GRM3: variants seen among roughly 807,000 people sequenced by gnomAD.
The protein encoded by GRM3 is glutamate metabotropic receptor 3.
In GRM3, 26 loss-of-function variants were observed where a neutral mutation model predicts 70.5. The ratio of observed to expected loss-of-function variants is 0.37; its 90% CI spans 0.27 to 0.51. The LOEUF is 0.51. GRM3 is among the 20% of genes least tolerant of loss of function. The pLI, the probability that GRM3 is intolerant of heterozygous loss-of-function variation, is 0.93. For synonymous variants in GRM3, 443 were observed against 434.9 expected, an observed-to-expected ratio of 1.02 and a Z score of -0.23; for missense variants, 859 against 1,123.8, an observed-to-expected ratio of 0.76 and a Z score of 3.37.
chr7:86,716,816 C>T (rs562633814), intron 1 of GRM3, among the ~76,000 whole-genome samples: 1 of 151,900 alleles, frequency 6.6e-6, no homozygotes, highest in South Asian at 2.1e-4. Context: ...CTATCCCAGG[C>T]AGGAAAAGTA....
rs77614782 is a variant in GRM3, at chr7:86,814,958, C to T, written c.1325-23881C>T. ...AGAAGGCAAGAAGTTTCTTTGATGTCAGCTGGGTTTTTCATCATATTATGG... is the reference window on the plus strand; with the variant it reads ...AGAAGGCAAGAAGTTTCTTTGATGTTAGCTGGGTTTTTCATCATATTATGG... On this transcript the variant is annotated intron_variant, in intron 3 of 5. Coordinates refer to ENST00000361669, the MANE Select transcript of GRM3 (RefSeq NM_000840.3). 4.9e-3 allele frequency among the ~76,000 whole-genome samples: 737 copies of T among 151,712 alleles called. 5 individuals carry two copies. The highest frequency in any genetic ancestry group is 0.017 in the African/African-American group (699 of 41,434).
Position 86,758,457 on chromosome 7 carries a change from G to C in GRM3, c.-140-6549G>C, listed in dbSNP as rs116555825. ...GAATTTGGAGAGGCTCTAATTCAGA[G>C]GCTTTGTAATGAGGGTAAGGAACTT... On this transcript the variant is annotated intron_variant, in intron 1 of 5. Transcript: ENST00000361669. 2.8e-3 allele frequency among the ~76,000 whole-genome samples: 420 copies of C among 152,252 alleles called. 2 individuals carry two copies. Among genetic ancestry groups the C allele is most frequent in the African/African-American group, 9.6e-3 (401 of 41,568 alleles).
At chr7:86,721,293 G>C (rs899236832) in intron 1 of GRM3, among the ~76,000 whole-genome samples, 6 of 152,034 alleles carry the variant, frequency 3.9e-5, no homozygotes, top group African/African-American at 1.4e-4. Flanking sequence ...TTGTTGATGA[G>C]TTTTTAATTT....
At chr7:86,714,458 A>G (rs1169772945) in intron 1 of GRM3, among the ~76,000 whole-genome samples, 1 of 151,938 alleles carries the variant, frequency 6.6e-6, no homozygotes, top group Non-Finnish European at 1.5e-5. Context: ...TTCCCACCAT[A>G]CAAGATGAAA....
chr7:86,764,068 G>A (rs563874414), intron 1 of GRM3, among the ~76,000 whole-genome samples: 2 of 152,198 alleles, frequency 1.3e-5, no homozygotes, highest in Admixed American at 6.5e-5. Context: ...TGGCCTGAGA[G>A]CCTGGAAACA....
chr7:86,849,368 T>C (rs1044754077), intron 4 of GRM3, among the ~76,000 whole-genome samples: 1 of 152,182 alleles, frequency 6.6e-6, no homozygotes, highest in African/African-American at 2.4e-5. Flanking sequence ...GGATGGATTA[T>C]GCTTTCAGGA....
At chr7:86,740,588 C>A (rs377592694) in intron 1 of GRM3, among the ~76,000 whole-genome samples, 34 of 152,058 alleles carry the variant, frequency 2.2e-4, no homozygotes, top group African/African-American at 6.8e-4. Flanking sequence ...AACCCAAAAC[C>A]AACTAAATTT....
At chr7:86,742,517 T>C (rs573022181) in intron 1 of GRM3, among the ~76,000 whole-genome samples, 116 of 152,114 alleles carry the variant, frequency 7.6e-4, no homozygotes, top group African/African-American at 2.6e-3. Flanking sequence ...TTCTGGAAAA[T>C]ACAATCTGCC....
intron 1 of GRM3, among the ~76,000 whole-genome samples, chr7:86,701,166 A>T (rs751711746): frequency 6.6e-6 from 1 of 151,912 alleles, no homozygotes; most frequent in Non-Finnish European, 1.5e-5. Context: ...CCTGAAAAAG[A>T]TAAACGATGT....
intron 1 of GRM3, 101 bp downstream of exon 1, chr7:86,644,973 T>C (rs274624): frequency 0.69 from 347,567 of 506,258 alleles, 122,439 homozygotes; most frequent in East Asian, 0.88. Context: ...AAAGTTGAGG[T>C]AGAGCATGGA....
Position 86,679,568 on chromosome 7 carries a change from G to A in GRM3, c.-141+34696G>A, listed in dbSNP as rs78899972. On this transcript the variant is annotated intron_variant, in intron 1 of 5. Coordinates refer to ENST00000361669, the MANE Select transcript of GRM3 (RefSeq NM_000840.3). ...GAAAATAAAATTAAACACAGCCAAC[G>A]TTTTCAAAAGGAAGAGAGATCTCTT... is the stretch of plus-strand genomic sequence containing the variant. Among the ~76,000 whole-genome samples the A allele has an allele frequency of 7.9e-3, 1,208 of 152,008 alleles. 22 individuals carry two copies. The East Asian group carries it at 0.08, about 10-fold the overall frequency.
intron 1 of GRM3, among the ~76,000 whole-genome samples, chr7:86,700,415 G>A (rs1351957107): frequency 1.3e-5 from 2 of 151,764 alleles, no homozygotes; most frequent in Non-Finnish European, 2.9e-5. Flanking sequence ...TTTTAATTGC[G>A]AGGTGAAATG....
At chr7:86,657,011 A>T (rs1793763637) in intron 1 of GRM3, among the ~76,000 whole-genome samples, 1 of 152,226 alleles carries the variant, frequency 6.6e-6, no homozygotes, top group African/African-American at 2.4e-5. Context: ...TATCATGTTA[A>T]TATCTTCCAT....
At chr7:86,767,106 G>A (rs1017574987) in intron 2 of GRM3, among the ~76,000 whole-genome samples, 15 of 152,088 alleles carry the variant, frequency 9.9e-5, no homozygotes, top group African/African-American at 3.1e-4. Context: ...CAGATACTCG[G>A]GAGGCTGAGG....
rs1026642961 is a variant in GRM3, at chr7:86,786,287, G to T, written c.495G>T (p.Gln165His). The T allele has an allele frequency of 1.9e-6, 3 of 1,613,526 alleles. No individual in the cohort carries two copies. The African/African-American group carries it at 4.0e-5, about 22-fold the overall frequency. The change falls in exon 3 of 6, where the codon CAG (glutamine) becomes CAT (histidine). Residue 165 changes from glutamine (Q) to histidine (H), a missense_variant. By Grantham distance (24) the Gln-to-His change is conservative. Coordinates refer to ENST00000361669, the MANE Select transcript of GRM3 (RefSeq NM_000840.3). The surrounding 1 kb of genome is among the most constrained non-coding windows in gnomAD (Gnocchi z 6.0). ...IQVANLLRLF[Q>H]IPQISYASTS... The stretch of plus-strand genomic sequence containing the variant: ...TGGCAAACCTGCTGCGGCTCTTCCA[G>T]ATCCCTCAGATCAGCTACGCATCCA...
chr7:86,644,940 C>A, intron 1 of GRM3, 68 bp downstream of exon 1: 1 of 847,632 alleles, frequency 1.2e-6, no homozygotes, highest in Non-Finnish European at 1.7e-6. Context: ...GCTCGGGTGC[C>A]GCGTGGGGCA....
intron 1 of GRM3, among the ~76,000 whole-genome samples, chr7:86,719,290 T>C (rs1238715116): frequency 8.6e-5 from 13 of 151,982 alleles, no homozygotes; most frequent in Admixed American, 8.5e-4. Context: ...AAGAAACCAG[T>C]AGGCTATAAA....
chr7:86,731,448 T>G (rs945181224), intron 1 of GRM3, among the ~76,000 whole-genome samples: 18 of 152,206 alleles, frequency 1.2e-4, no homozygotes, highest in African/African-American at 4.1e-4. Flanking sequence ...GATCTTGCTT[T>G]TATTAAACTC....
chr7:86,732,862 CA>C (rs1456374010), intron 1 of GRM3, among the ~76,000 whole-genome samples: 3 of 152,088 alleles, frequency 2.0e-5, no homozygotes, highest in African/African-American at 7.2e-5. Context: ...ACGGCAAGAC[CA>C]AGGGACTGGC....
Sources: gnomAD v4.1 joint callset for allele counts (sites outside exome capture counted in the v4.1 genomes callset) on GRCh38, gnomAD v4.1.1 for gene constraint, Gnocchi (gnomAD v3.1) non-coding constraint, MANE v1.5 for transcripts, NCBI Gene and HGNC (gene_info 2026-07-23, HGNC 2026-07-21) for gene names.